The following RASSF2 variants were observed in gnomAD, a reference collection of about 807,000 sequenced individuals.
The protein encoded by RASSF2 is Ras association domain family member 2, also known as ras association domain-containing protein 2.
Under a neutral mutation model 46.3 loss-of-function variants are expected in RASSF2, and 34 were observed. That is an observed-to-expected ratio of 0.73 (90% CI 0.56 to 0.98). RASSF2 has a LOEUF of 0.98. Among genes scored for constraint, RASSF2 ranks in the 50% least tolerant of loss-of-function variants. The pLI, the probability that RASSF2 is intolerant of heterozygous loss-of-function variation, is 0.00. For missense variants in RASSF2, 364 were observed against 431.2 expected (o/e 0.84, Z 1.38); for synonymous variants, 158 against 162.5 (o/e 0.97, Z 0.21).
chr20:4,813,289 G>C (rs555630916), intron 2 of RASSF2, among the ~76,000 whole-genome samples: 1 of 152,136 alleles, frequency 6.6e-6, no homozygotes, highest in South Asian at 2.1e-4. Context: ...GGGCCATGCT[G>C]GGGTTTCTTC....
chr20:4,786,572 A>T (rs2255133), intron 10 of RASSF2, among the ~76,000 whole-genome samples: 1 of 152,026 alleles, frequency 6.6e-6, no homozygotes, highest in African/African-American at 2.4e-5. Flanking sequence ...CATTCAATTC[A>T]TGATGAGGTG....
At chr20:4,802,465 T>G (rs1926952128) in intron 2 of RASSF2, among the ~76,000 whole-genome samples, 1 of 152,104 alleles carries the variant, frequency 6.6e-6, no homozygotes, top group Admixed American at 6.5e-5. Flanking sequence ...AAATGGAATA[T>G]ACGCATCCAG....
intron 2 of RASSF2, among the ~76,000 whole-genome samples, chr20:4,804,788 G>C (rs1216549658): frequency 6.6e-6 from 1 of 152,162 alleles, no homozygotes; most frequent in Non-Finnish European, 1.5e-5. Context: ...CACGATGGTG[G>C]CTCAGCAGTC....
chr20:4,785,590 A>T (rs1211787391), intron 11 of RASSF2, among the ~76,000 whole-genome samples: 1 of 152,200 alleles, frequency 6.6e-6, no homozygotes, highest in African/African-American at 2.4e-5. Context: ...CAATTTCCAG[A>T]AGATAAATGT....
Position 4,795,723 on chromosome 20 carries a change from C to G in RASSF2, c.287+92G>C. 4 of 1,475,758 alleles carry G rather than the reference C, an allele frequency of 2.7e-6. No homozygotes were observed. Among genetic ancestry groups the G allele is most frequent in the Non-Finnish European group, 3.7e-6 (4 of 1,093,168 alleles). 91.4% of individuals were successfully genotyped at this position (1,475,758 alleles called of 1,614,324 possible). The stretch of plus-strand genomic sequence containing the variant: ...GTAGGAGGAGGAGCCAGGGTCAGGG[C>G]TGGCTGGAAGAAGGCAGCATTTATC... On this transcript the variant is annotated intron_variant, in intron 5 of 11. Coordinates refer to ENST00000379400, the MANE Select transcript of RASSF2 (RefSeq NM_014737.3). The surrounding 1 kb of genome is among the most constrained non-coding windows in gnomAD (Gnocchi z 4.0).
At position 4,795,523 on chromosome 20, in the gene RASSF2, A is replaced by G; in HGVS notation, c.287+292T>C. 1.0e-5 allele frequency: 3 copies of G among 285,736 alleles called. No homozygotes were observed. The South Asian group carries it at 2.4e-4, about 23-fold the overall frequency. The allele number at this position is 285,736 out of a possible 1,614,324, so 17.7% of individuals were successfully genotyped here. ...TAGCCACTAGCAGCTCCACTCAGAG[A>G]CTCCTGAGTTCTCCCTAAGGGAGGA... is the stretch of plus-strand genomic sequence containing the variant. On this transcript the variant is annotated intron_variant, in intron 5 of 11. Coordinates refer to ENST00000379400, the MANE Select transcript of RASSF2 (RefSeq NM_014737.3). This position sits in a 1 kb window ranked among gnomAD's most constrained non-coding sequence, Gnocchi z 4.0.
In RASSF2 at chr20:4,790,602, C is replaced by A. The variant is rs763907608; in HGVS notation, c.386G>T (p.Gly129Val). Residue 129 changes from glycine (G) to valine (V), a missense_variant, in exon 7 of 12, where the codon GGC becomes GTC. Transcript: ENST00000379400. The surrounding 1 kb of genome is among the most constrained non-coding windows in gnomAD (Gnocchi z 4.3). ...GGTGTCCTCCTGCAGGGGCTTCAGG[C>A]CCCTGGAGTCTGAGAGAGGAGAGGG... Reference protein sequence around the residue: ...DQMPSSTDSRGLKPLQEDTPQ... With the variant: ...DQMPSSTDSRVLKPLQEDTPQ... 1 of 1,520,574 alleles carries A rather than the reference C, an allele frequency of 6.6e-7. No individual in the cohort carries two copies. The highest frequency in any genetic ancestry group is 2.7e-5 in the East Asian group (1 of 37,474). 94.2% of individuals were successfully genotyped at this position (1,520,574 alleles called of 1,614,324 possible).
intron 2 of RASSF2, among the ~76,000 whole-genome samples, chr20:4,805,263 C>G (rs1477486840): frequency 1.3e-5 from 2 of 152,056 alleles, no homozygotes; most frequent in Admixed American, 1.3e-4. Context: ...TAAATGTAAC[C>G]ACCAGTGTCC....
intron 7 of RASSF2, 51 bp from the exon 8 acceptor site, chr20:4,789,748 T>C (rs1925702648): frequency 6.7e-7 from 1 of 1,503,260 alleles, no homozygotes; most frequent in African/African-American, 1.4e-5. Context: ...AAGGACCCAG[T>C]GCTAAAATCC....
chr20:4,787,894 GTGT>G (rs1420055597), intron 9 of RASSF2, 140 bp from the exon 10 acceptor site: 2 of 1,132,882 alleles, frequency 1.8e-6, no homozygotes, highest in Non-Finnish European at 2.5e-6. Context: ...TATTCCATAG[GTGT>G]TGTGAAAAGC....
chr20:4,820,801 G>C (rs1928640883), intron 2 of RASSF2, among the ~76,000 whole-genome samples: 1 of 152,072 alleles, frequency 6.6e-6, no homozygotes, highest in Admixed American at 6.6e-5. Context: ...TGAGTCCTGG[G>C]ACTACTCTTG....
chr20:4,816,769 G>A (rs1175179778), intron 2 of RASSF2, among the ~76,000 whole-genome samples: 1 of 152,112 alleles, frequency 6.6e-6, no homozygotes, highest in Admixed American at 6.5e-5. Flanking sequence ...ATAGATGGGT[G>A]ATACAGTTTG....
intron 2 of RASSF2, among the ~76,000 whole-genome samples, chr20:4,809,858 C>T (rs1337757991): frequency 2.0e-5 from 3 of 152,178 alleles, no homozygotes; most frequent in Admixed American, 6.5e-5. Context: ...GAAGGGCCCC[C>T]AGAGTTGTCC....
At chr20:4,808,486 C>CTT (rs11431404) in intron 2 of RASSF2, among the ~76,000 whole-genome samples, 4,670 of 131,610 alleles carry the variant, frequency 0.035, 147 homozygotes, top group Middle Eastern at 0.059. Flanking sequence ...TTACACAAAT[C>CTT]TTTTTTTTTT....
chr20:4,804,276 AT>A (rs1464297839), intron 2 of RASSF2, among the ~76,000 whole-genome samples: 4 of 151,748 alleles, frequency 2.6e-5, no homozygotes, highest in Admixed American at 6.6e-5. Context: ...AGGAAGAATA[AT>A]CTGATCATGA....
chr20:4,787,022 C>T (rs1925414442), intron 10 of RASSF2, among the ~76,000 whole-genome samples: 1 of 151,254 alleles, frequency 6.6e-6, no homozygotes, highest in Non-Finnish European at 1.5e-5. Context: ...GGTGCCACTG[C>T]ACTCCAGCCT....
intron 2 of RASSF2, among the ~76,000 whole-genome samples, chr20:4,809,190 T>C (rs1601125463): frequency 6.6e-6 from 1 of 152,296 alleles, no homozygotes; most frequent in South Asian, 2.1e-4. Context: ...TGGAGACCCA[T>C]TCATGACTTC....
chr20:4,814,568 C>T (rs1928125039), intron 2 of RASSF2, among the ~76,000 whole-genome samples: 1 of 152,182 alleles, frequency 6.6e-6, no homozygotes, highest in Non-Finnish European at 1.5e-5. Context: ...CACCCCCAGA[C>T]CCCGGCAGGT....
At chr20:4,805,767 T>C (rs892833283) in intron 2 of RASSF2, among the ~76,000 whole-genome samples, 1 of 151,862 alleles carries the variant, frequency 6.6e-6, no homozygotes. Context: ...AAGAGGAAAG[T>C]CGTGATGTGG....
Sources: gnomAD v4.1 joint callset for allele counts (sites outside exome capture counted in the v4.1 genomes callset) on GRCh38, gnomAD v4.1.1 for gene constraint, Gnocchi (gnomAD v3.1) non-coding constraint, MANE v1.5 for transcripts, NCBI Gene and HGNC (gene_info 2026-07-23, HGNC 2026-07-21) for gene names.